SFRP4: variants seen among roughly 807,000 people sequenced by gnomAD.
The protein encoded by SFRP4 is secreted frizzled related protein 4.
In SFRP4, 25 loss-of-function variants were observed where a neutral mutation model predicts 36.3. The observed-to-expected ratio is 0.69, with a 90% CI of 0.50 to 0.96. The LOEUF (loss-of-function observed/expected upper bound fraction) is 0.96, where lower values mean the gene tolerates loss of function less well. Ranked by LOEUF, SFRP4 falls within the 40% of genes least tolerant of loss-of-function variation. The probability of loss-of-function intolerance (pLI) is 0.00; values close to 1 mark genes in which losing one functional copy is unlikely to be tolerated. For synonymous variants in SFRP4, 182 were observed against 168.8 expected, an observed-to-expected ratio of 1.08 and a Z score of -0.60; for missense variants, 487 against 459.6, an observed-to-expected ratio of 1.06 and a Z score of -0.54.
Position 37,909,598 on chromosome 7 carries a change from C to T in SFRP4, c.855+19G>A. ...TGTGCACTTACATCCATCTTCACAG[C>T]ATTGTTCATGATACTTACTATGGAT... On this transcript the variant is annotated intron_variant, in intron 5 of 5. Coordinates refer to ENST00000436072, the MANE Select transcript of SFRP4 (RefSeq NM_003014.4). The T allele has an allele frequency of 1.4e-6, 2 of 1,457,986 alleles. No homozygotes were observed. The highest frequency in any genetic ancestry group is 2.9e-5 in the African/African-American group (2 of 70,014). 90.3% of individuals were successfully genotyped at this position (1,457,986 alleles called of 1,614,324 possible). A position where few individuals can be genotyped will look rare whatever the true frequency, so the allele number is the denominator to read the frequency against.
At chr7:37,909,945 A>T (rs1785455601) in intron 4 of SFRP4, 1 of 238,212 alleles carries the variant, frequency 4.2e-6, no homozygotes, top group African/African-American at 2.3e-5. Context: ...TAATTAGAGT[A>T]ATTTAAAAAT....
At position 37,907,486 on chromosome 7, in the gene SFRP4, C is replaced by CT; in HGVS notation, c.1033dup (p.Arg345LysfsTer5). 1 of 1,612,902 alleles carries CT rather than the reference C, an allele frequency of 6.2e-7. No homozygotes were observed. The highest frequency in any genetic ancestry group is 8.5e-7 in the Non-Finnish European group (1 of 1,179,532). ...CTTTGGAAACTAGTTAGCTCACACTCTTTTCGGGTTTGTTCTCTTCTGGGC... is the reference window on the plus strand; with the variant it reads ...CTTTGGAAACTAGTTAGCTCACACTCTTTTTCGGGTTTGTTCTCTTCTGGGC... On this transcript the variant is annotated frameshift_variant, in exon 6 of 6. Transcript: ENST00000436072. LOFTEE classifies it high-confidence loss of function.
At position 37,907,050 on chromosome 7, in the gene SFRP4, A is replaced by G. The variant is rs1317637898; in HGVS notation, c.*429T>C. The stretch of plus-strand genomic sequence containing the variant: ...ATTATATTTTCGATCACATTTTAAA[A>G]CATCACTAACATTGCAACAACAGAT... On this transcript the variant is annotated 3_prime_UTR_variant, in exon 6 of 6. Transcript: ENST00000436072. 1 of 153,200 alleles carries G rather than the reference A, an allele frequency of 6.5e-6. No homozygotes were observed. The highest frequency in any genetic ancestry group is 6.5e-5 in the Admixed American group (1 of 15,346). 9.5% of individuals were successfully genotyped at this position (153,200 alleles called of 1,614,324 possible). A position where few individuals can be genotyped will look rare whatever the true frequency, so the allele number is the denominator to read the frequency against.
Position 37,916,397 on chromosome 7 carries a change from G to A in SFRP4, c.141C>T (p.His47=). The A allele has an allele frequency of 6.2e-7, 1 of 1,614,154 alleles. No individual in the cohort carries two copies. Among genetic ancestry groups the A allele is most frequent in the Middle Eastern group, 1.6e-4 (1 of 6,062 alleles). Residue 47 remains histidine, a synonymous_variant, in exon 1 of 6, where the codon CAC becomes CAT. Coordinates refer to ENST00000436072, the MANE Select transcript of SFRP4 (RefSeq NM_003014.4). The surrounding 1 kb of genome is among the most constrained non-coding windows in gnomAD (Gnocchi z 4.1). ...GGATGGCGTTCTCCTGCGTGCTGTG[G>A]TGCAGGTGGTTGGGCATCCGCGTGA... ...WNITRMPNHL[H]HSTQENAILA... is the part of the protein sequence containing the mutation.
Position 37,907,383 on chromosome 7 carries a change from G to A in SFRP4, c.*96C>T. ...GAAGAGCACTGCAGTGAGTTGTTAG[G>A]GCAAGGGGCACATGGCCTTACATAG... On this transcript the variant is annotated 3_prime_UTR_variant, in exon 6 of 6. Transcript: ENST00000436072. 1 of 1,020,066 alleles carries A rather than the reference G, an allele frequency of 9.8e-7. No homozygotes were observed. The highest frequency in any genetic ancestry group is 1.5e-6 in the Non-Finnish European group (1 of 685,328). The allele number at this position is 1,020,066 out of a possible 1,614,324, so 63.2% of individuals were successfully genotyped here. A position where few individuals can be genotyped will look rare whatever the true frequency, so the allele number is the denominator to read the frequency against.
intron 4 of SFRP4, among the ~76,000 whole-genome samples, chr7:37,910,787 GA>G (rs1453861511): frequency 6.6e-6 from 1 of 152,008 alleles, no homozygotes. Flanking sequence ...CCTTCATAAT[GA>G]AAAGCTGTAT....
At chr7:37,913,416 A>G (rs1785525599) in intron 3 of SFRP4, among the ~76,000 whole-genome samples, 1 of 152,192 alleles carries the variant, frequency 6.6e-6, no homozygotes, top group Non-Finnish European at 1.5e-5. Context: ...TTTCCCTAAA[A>G]CCACTTTATG....
At position 37,914,401 on chromosome 7, in the gene SFRP4, A is replaced by G; in HGVS notation, c.498T>C (p.Leu166=). Residue 166 remains leucine (L), a synonymous_variant, in exon 2 of 6, where the codon CTT becomes CTC. Transcript: ENST00000436072. ...TPDMMVQERP[L]DVDCKRLSPD... is the part of the protein sequence containing the mutation. ...GGCTTAGGCGTTTACAGTCAACATC[A>G]AGAGGCCTTTCCTGTACCATCATGT... 6.2e-7 allele frequency: 1 copy of G among 1,614,062 alleles called. No individual in the cohort carries two copies. Among genetic ancestry groups the G allele is most frequent in the Non-Finnish European group, 8.5e-7 (1 of 1,179,894 alleles).
At chr7:37,909,526 G>A (rs1785447889) in intron 5 of SFRP4, 91 bp downstream of exon 5, 2 of 698,718 alleles carry the variant, frequency 2.9e-6, no homozygotes, top group Non-Finnish European at 4.7e-6. Flanking sequence ...TGAGAGCTTG[G>A]AGATTAGAGA....
Position 37,916,267 on chromosome 7 carries a change from G to T in SFRP4, c.271C>A (p.His91Asn). 6.2e-7 allele frequency: 1 copy of T among 1,614,198 alleles called. No individual in the cohort carries two copies. The highest frequency in any genetic ancestry group is 8.5e-7 in the Non-Finnish European group (1 of 1,180,036). ...YAPICTLEFL[H>N]DPIKPCKSVC... is the part of the protein sequence containing the mutation. Reference sequence around the variant, plus strand: ...GACTTGCACGGCTTGATAGGGTCGTGCAGGAACTCCAGGGTGCAAATGGGC... The same window carrying T: ...GACTTGCACGGCTTGATAGGGTCGTTCAGGAACTCCAGGGTGCAAATGGGC... The change falls in exon 1 of 6, where the codon CAC (histidine) becomes AAC (asparagine). Residue 91 changes from histidine to asparagine, a missense_variant. Physicochemically the swap from His to Asn is moderately conservative, Grantham distance 68. Transcript: ENST00000436072. This position sits in a 1 kb window ranked among gnomAD's most constrained non-coding sequence, Gnocchi z 4.1.
chr7:37,916,359 T>A lies in SFRP4; in HGVS notation c.179A>T (p.Gln60Leu). The A allele has an allele frequency of 6.2e-7, 1 of 1,614,208 alleles. No homozygotes were observed. The highest frequency in any genetic ancestry group is 8.5e-7 in the Non-Finnish European group (1 of 1,180,014). Residue 60 changes from glutamine (Q) to leucine (L), a missense_variant, in exon 1 of 6, where the codon CAG (glutamine) becomes CTG (leucine). Gln to Leu is a moderately radical substitution (Grantham distance 113). Coordinates refer to ENST00000436072, the MANE Select transcript of SFRP4 (RefSeq NM_003014.4). The surrounding 1 kb of genome is among the most constrained non-coding windows in gnomAD (Gnocchi z 4.1). The part of the protein sequence containing the change: ...TQENAILAIE[Q>L]YEELVDVNCS... ...GTTCACGTCCACCAGCTCCTCGTAC[T>A]GCTCGATGGCCAGGATGGCGTTCTC...
At chr7:37,908,505 T>C (rs1232816497) in intron 5 of SFRP4, among the ~76,000 whole-genome samples, 4 of 152,224 alleles carry the variant, frequency 2.6e-5, no homozygotes, top group Non-Finnish European at 1.5e-5. Context: ...TCTAAAATAA[T>C]AAACTCACTA....
Position 37,912,108 on chromosome 7 carries a change from T to C in SFRP4, c.791+11A>G. On this transcript the variant is annotated intron_variant, in intron 4 of 5. Transcript: ENST00000436072. The stretch of plus-strand genomic sequence containing the variant: ...GTGTGCATACAGTTCCTTCTGCCTC[T>C]TTGTGCCTACCTTGAGCGCCACTCG... 6.2e-7 allele frequency: 1 copy of C among 1,609,654 alleles called. No homozygotes were observed. The highest frequency in any genetic ancestry group is 8.5e-7 in the Non-Finnish European group (1 of 1,175,972).
At chr7:37,913,642 G>A (rs916278673) in intron 3 of SFRP4, among the ~76,000 whole-genome samples, 2 of 152,172 alleles carry the variant, frequency 1.3e-5, no homozygotes, top group Non-Finnish European at 2.9e-5. Context: ...ATGCTGAATG[G>A]TTCTTTCAAG....
At chr7:37,912,602 T>C (rs1785513353) in intron 3 of SFRP4, among the ~76,000 whole-genome samples, 1 of 152,196 alleles carries the variant, frequency 6.6e-6, no homozygotes, top group Non-Finnish European at 1.5e-5. Flanking sequence ...AGTAAAAAAT[T>C]CACAGAAACA....
In SFRP4 at chr7:37,916,169, C is replaced by G. The variant is rs765876155; in HGVS notation, c.369G>C (p.Leu123=). ...KMYNHSWPES[L]ACDELPVYDR... The stretch of plus-strand genomic sequence containing the variant: ...CATAGACAGGCAGCTCGTCGCAGGC[C>G]AGGCTTTCGGGCCAGCTGTGGTTGT... The change falls in exon 1 of 6, where the codon CTG becomes CTC. Residue 123 remains leucine, a synonymous_variant. Transcript: ENST00000436072. The surrounding 1 kb of genome is among the most constrained non-coding windows in gnomAD (Gnocchi z 4.1). 12 of 1,614,122 alleles carry G rather than the reference C, an allele frequency of 7.4e-6. No homozygotes were observed. Among genetic ancestry groups the G allele is most frequent in the Non-Finnish European group, 1.0e-5 (12 of 1,180,038 alleles).
In SFRP4 at chr7:37,909,599, A is replaced by G. The variant is rs2131986294; in HGVS notation, c.855+18T>C. On this transcript the variant is annotated intron_variant, in intron 5 of 5. Transcript: ENST00000436072. ...GTGCACTTACATCCATCTTCACAGCATTGTTCATGATACTTACTATGGATC... is the reference window on the plus strand; with the variant it reads ...GTGCACTTACATCCATCTTCACAGCGTTGTTCATGATACTTACTATGGATC... 1.4e-6 allele frequency: 2 copies of G among 1,465,184 alleles called. No homozygotes were observed. The highest frequency in any genetic ancestry group is 1.9e-6 in the Non-Finnish European group (2 of 1,075,862). The allele number at this position is 1,465,184 out of a possible 1,614,324, so 90.8% of individuals were successfully genotyped here.
At chr7:37,910,047 A>T (rs973026811) in intron 4 of SFRP4, among the ~76,000 whole-genome samples, 1 of 152,022 alleles carries the variant, frequency 6.6e-6, no homozygotes, top group Non-Finnish European at 1.5e-5. Context: ...CTTAGCTATG[A>T]TTACCAGTAT....
chr7:37,908,789 A>G (rs1661498163), intron 5 of SFRP4, among the ~76,000 whole-genome samples: 1 of 152,196 alleles, frequency 6.6e-6, no homozygotes. Context: ...GATTTAACAC[A>G]ATAGTGTTTG....
Sources: gnomAD v4.1 joint callset for allele counts (sites outside exome capture counted in the v4.1 genomes callset) on GRCh38, gnomAD v4.1.1 for gene constraint, Gnocchi (gnomAD v3.1) non-coding constraint, MANE v1.5 for transcripts, NCBI Gene and HGNC (gene_info 2026-07-23, HGNC 2026-07-21) for gene names.